The following ZCCHC7 variants were observed in gnomAD, a reference collection of about 807,000 sequenced individuals.
The protein encoded by ZCCHC7 is zinc finger CCHC-type containing 7.
ZCCHC7 carries 35 observed loss-of-function variants against 52.0 expected under a neutral mutation model. The ratio of observed to expected loss-of-function variants is 0.67; its 90% CI spans 0.51 to 0.89. The LOEUF (loss-of-function observed/expected upper bound fraction) is 0.89, where lower values mean the gene tolerates loss of function less well. Among genes scored for constraint, ZCCHC7 ranks in the 40% least tolerant of loss-of-function variants. The pLI, the probability that ZCCHC7 is intolerant of heterozygous loss-of-function variation, is 0.00. For missense variants in ZCCHC7, 574 were observed against 649.1 expected, an observed-to-expected ratio of 0.88 and a Z score of 1.26; for synonymous variants, 217 against 221.5, an observed-to-expected ratio of 0.98 and a Z score of 0.18.
At chr9:37,244,913 T>C (rs954757449) in intron 2 of ZCCHC7, among the ~76,000 whole-genome samples, 4 of 151,966 alleles carry the variant, frequency 2.6e-5, no homozygotes, top group Non-Finnish European at 5.9e-5. Flanking sequence ...ATGATAGATA[T>C]ATCTCACTTG....
At chr9:37,350,372 T>C (rs1232217289) in intron 7 of ZCCHC7, among the ~76,000 whole-genome samples, 1 of 152,156 alleles carries the variant, frequency 6.6e-6, no homozygotes, top group Non-Finnish European at 1.5e-5. Flanking sequence ...CCTCAGATGA[T>C]CCACCCGCCT....
At position 37,347,439 on chromosome 9, in the gene ZCCHC7, A is replaced by G. The variant is rs561894555; in HGVS notation, c.988-1918A>G. ...ATTGAGGTTCTTGCTATTAAATGGC[A>G]GAAACTGCAATTACAGTTACCTTTG... On this transcript the variant is annotated intron_variant, in intron 6 of 8. Coordinates refer to ENST00000336755, the MANE Select transcript of ZCCHC7 (RefSeq NM_032226.3). Among the ~76,000 whole-genome samples the G allele has an allele frequency of 5.3e-4, 81 of 152,378 alleles. No individual in the cohort carries two copies. The South Asian group carries it at 0.015, about 28-fold the overall frequency.
At chr9:37,335,048 G>A (rs1415188773) in intron 6 of ZCCHC7, among the ~76,000 whole-genome samples, 1 of 151,728 alleles carries the variant, frequency 6.6e-6, no homozygotes, top group African/African-American at 2.4e-5. Flanking sequence ...TAAATTATAA[G>A]ATCATCTTTA....
chr9:37,336,948 A>G (rs142596992), intron 6 of ZCCHC7, among the ~76,000 whole-genome samples: 1 of 152,198 alleles, frequency 6.6e-6, no homozygotes, highest in African/African-American at 2.4e-5. Flanking sequence ...CAGTGGTAAG[A>G]TACCCTGTCA....
chr9:37,337,873 G>GA (rs930175023), intron 6 of ZCCHC7, among the ~76,000 whole-genome samples: 2 of 152,264 alleles, frequency 1.3e-5, no homozygotes, highest in African/African-American at 4.8e-5. Context: ...GATTAAGAAG[G>GA]AAGCCTTTGC....
intron 2 of ZCCHC7, chr9:37,160,329 G>A (rs577322295): frequency 2.2e-4 from 34 of 152,342 alleles, no homozygotes; most frequent in African/African-American, 8.2e-4. Context: ...AGGCAACATA[G>A]CGAGACTTCA....
At chr9:37,245,384 G>A (rs1826040363) in intron 2 of ZCCHC7, among the ~76,000 whole-genome samples, 1 of 151,908 alleles carries the variant, frequency 6.6e-6, no homozygotes, top group Non-Finnish European at 1.5e-5. Context: ...CATTTAAACA[G>A]TTGAAATTGT....
chr9:37,278,003 A>G (rs10973286), intron 2 of ZCCHC7, among the ~76,000 whole-genome samples: 1 of 122,146 alleles, frequency 8.2e-6, no homozygotes, highest in Non-Finnish European at 1.9e-5. Context: ...AAAAAAAAAA[A>G]GTTTTTTTGT....
intron 2 of ZCCHC7, among the ~76,000 whole-genome samples, chr9:37,152,597 A>G (rs1820590285): frequency 6.6e-6 from 1 of 152,124 alleles, no homozygotes; most frequent in Non-Finnish European, 1.5e-5. Flanking sequence ...ATTTTATAGA[A>G]TGTCCCCAAA....
intron 2 of ZCCHC7, among the ~76,000 whole-genome samples, chr9:37,242,359 T>C (rs1825908936): frequency 6.6e-6 from 1 of 151,796 alleles, no homozygotes; most frequent in South Asian, 2.1e-4. Flanking sequence ...ATGTTTAGCT[T>C]TGACTAGAGA....
chr9:37,151,218 G>C (rs780842789), intron 2 of ZCCHC7, among the ~76,000 whole-genome samples: 1 of 151,766 alleles, frequency 6.6e-6, no homozygotes, highest in Non-Finnish European at 1.5e-5. Context: ...CACCCGCCTC[G>C]GCCTCCCAAA....
At chr9:37,160,563 G>T (rs933291730) in intron 2 of ZCCHC7, among the ~76,000 whole-genome samples, 2 of 152,052 alleles carry the variant, frequency 1.3e-5, no homozygotes, top group South Asian at 4.1e-4. Flanking sequence ...CATTATGTGG[G>T]CCAGAATATC....
At chr9:37,251,577 A>G (rs977669968) in intron 2 of ZCCHC7, among the ~76,000 whole-genome samples, 11 of 152,306 alleles carry the variant, frequency 7.2e-5, no homozygotes, top group Non-Finnish European at 1.3e-4. Flanking sequence ...TCTTTGTCAG[A>G]GGGCTCCCTT....
intron 6 of ZCCHC7, among the ~76,000 whole-genome samples, chr9:37,329,483 C>A (rs80333782): frequency 0.012 from 1,892 of 151,804 alleles, 38 homozygotes; most frequent in African/African-American, 0.043. Context: ...TTGTTCCAAT[C>A]TGGAATCCTG....
At chr9:37,199,866 G>A (rs923457005) in intron 2 of ZCCHC7, among the ~76,000 whole-genome samples, 21 of 150,706 alleles carry the variant, frequency 1.4e-4, no homozygotes, top group Admixed American at 2.7e-4. Flanking sequence ...CACCACGCCC[G>A]GCTAATTTTT....
intron 5 of ZCCHC7, among the ~76,000 whole-genome samples, chr9:37,309,788 G>T (rs1268354128): frequency 2.0e-5 from 3 of 152,066 alleles, no homozygotes; most frequent in East Asian, 3.9e-4. Context: ...TGAGTGTGGT[G>T]GTGCACACCT....
intron 2 of ZCCHC7, among the ~76,000 whole-genome samples, chr9:37,193,282 A>G (rs1256213751): frequency 6.6e-6 from 1 of 152,172 alleles, no homozygotes; most frequent in African/African-American, 2.4e-5. Context: ...GGGTGGCTTC[A>G]GAAGGGTATT....
intron 2 of ZCCHC7, among the ~76,000 whole-genome samples, chr9:37,162,642 A>G (rs1215273625): frequency 6.6e-6 from 1 of 152,202 alleles, no homozygotes; most frequent in Non-Finnish European, 1.5e-5. Flanking sequence ...TTTGAATTCC[A>G]GTTTTTAGAA....
intron 2 of ZCCHC7, among the ~76,000 whole-genome samples, chr9:37,277,239 T>C (rs929271412): frequency 2.6e-5 from 4 of 152,222 alleles, no homozygotes; most frequent in African/African-American, 9.6e-5. Context: ...GTACCAATTT[T>C]CCCACAGGTA....
Sources: gnomAD v4.1 joint callset for allele counts (sites outside exome capture counted in the v4.1 genomes callset) on GRCh38, gnomAD v4.1.1 for gene constraint, MANE v1.5 for transcripts, NCBI Gene and HGNC (gene_info 2026-07-23, HGNC 2026-07-21) for gene names.